AVEN: variants seen among roughly 807,000 people sequenced by gnomAD.
The protein encoded by AVEN is cell death regulator Aven.
In AVEN, 41 loss-of-function variants were observed where a neutral mutation model predicts 38.1. The ratio of observed to expected loss-of-function variants is 1.08; its 90% CI spans 0.84 to 1.40. The LOEUF is 1.40. Among genes scored for constraint, AVEN ranks in the 40% most tolerant of loss-of-function variants. The probability of loss-of-function intolerance (pLI) is 0.00; values close to 1 mark genes in which losing one functional copy is unlikely to be tolerated. For missense variants in AVEN, 605 were observed against 438.8 expected, an observed-to-expected ratio of 1.38 and a Z score of -3.38; for synonymous variants, 206 against 171.8, an observed-to-expected ratio of 1.20 and a Z score of -1.56.
At chr15:33,936,270 T>A (rs1235788741) in intron 2 of AVEN, among the ~76,000 whole-genome samples, 1 of 152,076 alleles carries the variant, frequency 6.6e-6, no homozygotes, top group Non-Finnish European at 1.5e-5. Context: ...GCAGACTACA[T>A]GGAAAAATGC....
intron 2 of AVEN, among the ~76,000 whole-genome samples, chr15:33,952,757 T>C (rs1008074279): frequency 2.0e-5 from 3 of 151,480 alleles, no homozygotes; most frequent in African/African-American, 7.3e-5. Context: ...AACCAATAAG[T>C]ATGTCTGAAT....
intron 1 of AVEN, chr15:34,006,975 G>C (rs1023375157): frequency 1.4e-6 from 1 of 707,820 alleles, no homozygotes; most frequent in Non-Finnish European, 1.7e-6. Flanking sequence ...AAACTATAAA[G>C]ATAAAGGCAT....
chr15:33,982,489 T>C (rs1384190645), intron 2 of AVEN, among the ~76,000 whole-genome samples: 1 of 152,206 alleles, frequency 6.6e-6, no homozygotes, highest in Non-Finnish European at 1.5e-5. Context: ...CAATAACATA[T>C]GGTTAAGAGG....
intron 2 of AVEN, among the ~76,000 whole-genome samples, chr15:33,983,161 T>TGTA (rs1555512753): frequency 2.3e-5 from 2 of 86,884 alleles, no homozygotes; most frequent in African/African-American, 7.1e-5. Context: ...TGTGTGTGTA[T>TGTA]GTGTGTGTGT....
At chr15:33,973,744 C>T (rs994908002) in intron 2 of AVEN, among the ~76,000 whole-genome samples, 1 of 152,136 alleles carries the variant, frequency 6.6e-6, no homozygotes, top group Non-Finnish European at 1.5e-5. Flanking sequence ...TACGAAATTG[C>T]ATTTTTCATG....
At chr15:33,983,481 A>G (rs1021453687) in intron 2 of AVEN, among the ~76,000 whole-genome samples, 6 of 152,080 alleles carry the variant, frequency 3.9e-5, no homozygotes, top group Non-Finnish European at 8.8e-5. Flanking sequence ...GCAGTAAAGC[A>G]TAAATAAAAA....
At chr15:33,879,388 T>A (rs1216193716) in intron 2 of AVEN, among the ~76,000 whole-genome samples, 2 of 114,916 alleles carry the variant, frequency 1.7e-5, no homozygotes, top group East Asian at 2.7e-4. Flanking sequence ...AACATCACAC[T>A]CTGGGGACTG....
At chr15:34,055,426 A>G (rs936648902) in intron 5 of AVEN, among the ~76,000 whole-genome samples, 7 of 152,090 alleles carry the variant, frequency 4.6e-5, no homozygotes, top group South Asian at 2.1e-4. Context: ...AATCTCCTGG[A>G]TCCGGGAGGA....
downstream of AVEN, chr15:33,854,323 C>T: frequency 3.7e-6 from 5 of 1,337,190 alleles, no homozygotes; most frequent in Non-Finnish European, 5.1e-6. Context: ...TTACTTTTTC[C>T]CCCTTATTGA....
intron 2 of AVEN, among the ~76,000 whole-genome samples, chr15:33,980,094 A>G (rs569356237): frequency 8.7e-4 from 132 of 152,380 alleles, no homozygotes; most frequent in Middle Eastern, 3.4e-3. Context: ...ATTGTTTAAC[A>G]TTATCTCATA....
chr15:33,985,183 T>C (rs1324420863), intron 2 of AVEN, among the ~76,000 whole-genome samples: 1 of 151,980 alleles, frequency 6.6e-6, no homozygotes, highest in Non-Finnish European at 1.5e-5. Context: ...GTTAGCCTGT[T>C]ACTGTTTCAT....
chr15:33,999,067 C>T (rs1897044820), intron 2 of AVEN, among the ~76,000 whole-genome samples: 1 of 152,198 alleles, frequency 6.6e-6, no homozygotes, highest in Admixed American at 6.5e-5. Flanking sequence ...ATTTATCCTC[C>T]ACCCTTCTCC....
chr15:34,037,566 T>C (rs1899205416), intron 1 of AVEN, among the ~76,000 whole-genome samples: 1 of 149,334 alleles, frequency 6.7e-6, no homozygotes, highest in Admixed American at 6.7e-5. Context: ...ATATATATAA[T>C]AGAGTTATAA....
At chr15:33,983,188 G>A (rs1161053452) in intron 2 of AVEN, among the ~76,000 whole-genome samples, 1,259 of 93,594 alleles carry the variant, frequency 0.013, 27 homozygotes, top group African/African-American at 0.049. Context: ...ACACACGTGT[G>A]TGTATGTGTG....
At chr15:34,014,657 C>G (rs369386579) in intron 1 of AVEN, among the ~76,000 whole-genome samples, 12 of 152,254 alleles carry the variant, frequency 7.9e-5, no homozygotes, top group African/African-American at 2.9e-4. Context: ...TCTGACAGAC[C>G]TGGGCATCCC....
At chr15:33,972,615 G>A (rs1366099139) in intron 2 of AVEN, 1 of 152,146 alleles carries the variant, frequency 6.6e-6, no homozygotes, top group African/African-American at 2.4e-5. Context: ...ACAAATATTT[G>A]TAAAAAATAA....
chr15:33,939,941 C>T (rs541981942), intron 2 of AVEN, among the ~76,000 whole-genome samples: 5 of 152,294 alleles, frequency 3.3e-5, no homozygotes, highest in South Asian at 4.2e-4. Flanking sequence ...TTTAAGTTTA[C>T]AGTTCAGTAG....
chr15:34,017,730 T>G (rs940283577), intron 1 of AVEN, among the ~76,000 whole-genome samples: 35 of 152,236 alleles, frequency 2.3e-4, no homozygotes, highest in African/African-American at 7.2e-4. Flanking sequence ...TCCACCCACC[T>G]CAGCCTCCCA....
chr15:33,957,646 G>A (rs1182624913), intron 2 of AVEN, among the ~76,000 whole-genome samples: 3 of 151,876 alleles, frequency 2.0e-5, no homozygotes, highest in Non-Finnish European at 4.4e-5. Flanking sequence ...GTCACATGAT[G>A]GAATGCTAGT....
Sources: gnomAD v4.1 joint callset for allele counts (sites outside exome capture counted in the v4.1 genomes callset) on GRCh38, gnomAD v4.1.1 for gene constraint, MANE v1.5 for transcripts, NCBI Gene and HGNC (gene_info 2026-07-23, HGNC 2026-07-21) for gene names.